Variants in CFAP299 observed in about 807,000 individuals in gnomAD.
The protein encoded by CFAP299 is cilia- and flagella-associated protein 299.
A neutral mutation model predicts 27.0 loss-of-function variants in CFAP299; 21 were observed. The observed-to-expected ratio is 0.78, with a 90% CI of 0.55 to 1.12. CFAP299 has a LOEUF of 1.12. Ranked by LOEUF, CFAP299 falls within the 50% of genes most tolerant of loss-of-function variation. The pLI, the probability that CFAP299 is intolerant of heterozygous loss-of-function variation, is 0.00. For missense variants in CFAP299, 310 were observed against 276.6 expected (o/e 1.12, Z -0.86); for synonymous variants, 104 against 98.1 (o/e 1.06, Z -0.36).
At chr4:80,559,633 A>G (rs908488573) in intron 2 of CFAP299, among the ~76,000 whole-genome samples, 2 of 152,164 alleles carry the variant, frequency 1.3e-5, no homozygotes, top group African/African-American at 4.8e-5. Flanking sequence ...CCCTGGCAGA[A>G]GCTGCATTGT....
At chr4:80,631,859 G>GCTC in intron 3 of CFAP299, among the ~76,000 whole-genome samples, 1 of 21,468 alleles carries the variant, frequency 4.7e-5, no homozygotes, top group Non-Finnish European at 9.2e-5. Flanking sequence ...GAATATTTGT[G>GCTC]CCCCACCCCC....
At chr4:80,934,253 G>A (rs994307579) in intron 4 of CFAP299, among the ~76,000 whole-genome samples, 4 of 152,000 alleles carry the variant, frequency 2.6e-5, no homozygotes, top group Non-Finnish European at 4.4e-5. Flanking sequence ...CCTTGTATCC[G>A]AGGGATAAAT....
chr4:80,708,783 A>G (rs564348010), intron 3 of CFAP299, among the ~76,000 whole-genome samples: 7 of 152,260 alleles, frequency 4.6e-5, no homozygotes, highest in African/African-American at 1.4e-4. Context: ...AATAAAATTT[A>G]AAACTGATGC....
rs62302211 is a variant in CFAP299, at chr4:80,771,375, C to G, written c.334-98618C>G. The stretch of plus-strand genomic sequence containing the variant: ...TGCTCAGAAATATAGATATTTGGTA[C>G]AGACAAACTTACATATATAGATATT... On this transcript the variant is annotated intron_variant, in intron 3 of 5. Transcript: ENST00000358105. 4.5e-3 allele frequency among the ~76,000 whole-genome samples: 687 copies of G among 152,212 alleles called. 4 individuals carry two copies. The highest frequency in any genetic ancestry group is 7.7e-3 in the Non-Finnish European group (522 of 68,018).
chr4:80,433,167 G>GAA (rs140164164), intron 2 of CFAP299, among the ~76,000 whole-genome samples: 1 of 150,484 alleles, frequency 6.6e-6, no homozygotes, highest in African/African-American at 2.4e-5. Context: ...AACCACAGAG[G>GAA]AAAAAAAAAG....
intron 2 of CFAP299, chr4:80,387,850 G>A: frequency 7.5e-7 from 1 of 1,333,398 alleles, no homozygotes; most frequent in Non-Finnish European, 1.1e-6. Flanking sequence ...GGTACCTTTA[G>A]CCCGTGGGGT....
intron 3 of CFAP299, among the ~76,000 whole-genome samples, chr4:80,620,962 T>C (rs1738568390): frequency 1.3e-5 from 2 of 152,098 alleles, no homozygotes; most frequent in African/African-American, 4.8e-5. Context: ...TTGAAGCTGT[T>C]ATTTCTGTGG....
intron 2 of CFAP299, among the ~76,000 whole-genome samples, chr4:80,384,923 T>C (rs1313838637): frequency 1.3e-5 from 2 of 152,208 alleles, no homozygotes; most frequent in Admixed American, 1.3e-4. Flanking sequence ...TTTATTTAAA[T>C]CAACACATTA....
At chr4:80,691,640 G>C (rs1398220555) in intron 3 of CFAP299, among the ~76,000 whole-genome samples, 11 of 150,148 alleles carry the variant, frequency 7.3e-5, no homozygotes, top group Non-Finnish European at 1.3e-4. Flanking sequence ...GCACAAGACA[G>C]GGATGCCCTC....
intron 2 of CFAP299, among the ~76,000 whole-genome samples, chr4:80,539,148 A>G (rs913738361): frequency 6.6e-6 from 1 of 152,236 alleles, no homozygotes; most frequent in African/African-American, 2.4e-5. Flanking sequence ...GTTTGTAGCT[A>G]TACAACATTT....
chr4:80,662,317 T>C (rs765124941), intron 3 of CFAP299, among the ~76,000 whole-genome samples: 5 of 152,016 alleles, frequency 3.3e-5, no homozygotes, highest in African/African-American at 7.2e-5. Flanking sequence ...AAAATTTCTC[T>C]CTTTTGTACT....
At chr4:80,576,930 AT>A (rs1735896423) in intron 2 of CFAP299, among the ~76,000 whole-genome samples, 1 of 152,200 alleles carries the variant, frequency 6.6e-6, no homozygotes, top group Admixed American at 6.5e-5. Context: ...TGGAATGACA[AT>A]AATAGCTGAT....
intron 3 of CFAP299, among the ~76,000 whole-genome samples, chr4:80,587,332 T>A (rs1736500162): frequency 1.3e-5 from 2 of 152,076 alleles, no homozygotes; most frequent in African/African-American, 4.8e-5. Context: ...GATCTTTAAT[T>A]TCCTTATTTC....
intron 3 of CFAP299, among the ~76,000 whole-genome samples, chr4:80,689,648 A>C (rs1233207343): frequency 1.3e-5 from 2 of 152,168 alleles, no homozygotes; most frequent in African/African-American, 2.4e-5. Context: ...CGAGCAAAAT[A>C]ACCAGCTAAC....
At position 80,850,839 on chromosome 4, in the gene CFAP299, A is replaced by T. The variant is rs140491626; in HGVS notation, c.334-19154A>T. Reference sequence around the variant, plus strand: ...GAAACAATGAGGTTTGAAATAAGATATTGGCAATCATCACACAAAGCAAAG... The same window carrying T: ...GAAACAATGAGGTTTGAAATAAGATTTTGGCAATCATCACACAAAGCAAAG... On this transcript the variant is annotated intron_variant, in intron 3 of 5. Coordinates refer to ENST00000358105, the MANE Select transcript of CFAP299 (RefSeq NM_152770.3). Among the ~76,000 whole-genome samples, 560 of 152,244 alleles carry T rather than the reference A, an allele frequency of 3.7e-3. 3 individuals carry two copies. The highest frequency in any genetic ancestry group is 0.013 in the African/African-American group (545 of 41,560).
At chr4:80,944,753 A>G (rs1338953657) in intron 4 of CFAP299, 57 bp from the exon 5 acceptor site, 9 of 1,309,662 alleles carry the variant, frequency 6.9e-6, no homozygotes, top group African/African-American at 1.5e-5. Context: ...CTTAAACTAT[A>G]TTTGTCAATT....
At chr4:80,814,141 A>G (rs2110118914) in intron 3 of CFAP299, among the ~76,000 whole-genome samples, 1 of 152,202 alleles carries the variant, frequency 6.6e-6, no homozygotes, top group South Asian at 2.1e-4. Flanking sequence ...CCAAAGCTCT[A>G]AGTAGAAGAC....
intron 2 of CFAP299, among the ~76,000 whole-genome samples, chr4:80,399,651 C>T (rs1360239848): frequency 2.2e-5 from 3 of 135,858 alleles, no homozygotes; most frequent in Non-Finnish European, 3.0e-5. Context: ...CGAGAACACT[C>T]GGACACAGTA....
intron 3 of CFAP299, among the ~76,000 whole-genome samples, chr4:80,631,859 G>GGGGGGC (rs34615962): frequency 4.6e-5 from 1 of 21,514 alleles, no homozygotes; most frequent in Non-Finnish European, 9.2e-5. Context: ...GAATATTTGT[G>GGGGGGC]CCCCACCCCC....
Sources: gnomAD v4.1 joint callset for allele counts (sites outside exome capture counted in the v4.1 genomes callset) on GRCh38, gnomAD v4.1.1 for gene constraint, MANE v1.5 for transcripts, NCBI Gene and HGNC (gene_info 2026-07-23, HGNC 2026-07-21) for gene names.